Variants in AFG2B observed in about 807,000 individuals in gnomAD.
The protein encoded by AFG2B is AAA ATPase AFG2B.
chr15:45,411,234 C>T, the AFG2B span, among the ~76,000 whole-genome samples: 2 of 152,098 alleles, frequency 1.3e-5, no homozygotes. Context: ...AGTCTTAGCA[C>T]TTTAGAAGGC....
the AFG2B span, chr15:45,407,053 C>A: frequency 1.6e-6 from 2 of 1,289,218 alleles, no homozygotes. Flanking sequence ...ATAAGCACCT[C>A]TCACTTAGGT....
chr15:45,402,983 G>A, the AFG2B span: 2 of 1,593,032 alleles, frequency 1.3e-6, no homozygotes, highest in Non-Finnish European at 1.7e-6. Context: ...ACCCGCGTCA[G>A]CCTTGGCGGG....
chr15:45,413,372 C>T, the AFG2B span, among the ~76,000 whole-genome samples: 2 of 152,248 alleles, frequency 1.3e-5, no homozygotes, highest in African/African-American at 4.8e-5. Context: ...TGGATAACCC[C>T]AGGGATGTCA....
chr15:45,415,438 C>T, the AFG2B span: 4 of 626,600 alleles, frequency 6.4e-6, no homozygotes, highest in Non-Finnish European at 1.1e-5. Flanking sequence ...GCAGAAGTTG[C>T]AGTGAGCTGA....
chr15:45,402,624 G>T, the AFG2B span: 4 of 1,576,068 alleles, frequency 2.5e-6, no homozygotes, highest in Non-Finnish European at 3.4e-6. Context: ...GGCCTCGGCG[G>T]GACGGAGCGG....
the AFG2B span, among the ~76,000 whole-genome samples, chr15:45,419,986 T>TTTCCCC: frequency 2.0e-5 from 1 of 49,246 alleles, no homozygotes; most frequent in Non-Finnish European, 3.6e-5. Context: ...CAAGACTCTG[T>TTTCCCC]CCCCCCCCCC....
At chr15:45,403,297 C>T in the AFG2B span, 1 of 1,590,584 alleles carries the variant, frequency 6.3e-7, no homozygotes, top group South Asian at 1.1e-5. Context: ...CCAGCGCGCC[C>T]GGGAACTGGC....
At chr15:45,414,433 C>T in the AFG2B span, 5 of 714,752 alleles carry the variant, frequency 7.0e-6, no homozygotes, top group African/African-American at 1.8e-5. Flanking sequence ...ATGATAAGAT[C>T]TCTGCAGTGT....
the AFG2B span, among the ~76,000 whole-genome samples, chr15:45,404,061 C>T: frequency 6.6e-6 from 1 of 152,152 alleles, no homozygotes; most frequent in Non-Finnish European, 1.5e-5. Flanking sequence ...CACAACTGCT[C>T]CCTGAGTTGT....
chr15:45,414,684 G>A, the AFG2B span: 1 of 1,614,048 alleles, frequency 6.2e-7, no homozygotes, highest in Non-Finnish European at 8.5e-7. Flanking sequence ...CTCTGGTGAG[G>A]GCCCTGGCCA....
At chr15:45,413,991 A>G in the AFG2B span, among the ~76,000 whole-genome samples, 1 of 152,174 alleles carries the variant, frequency 6.6e-6, no homozygotes, top group Non-Finnish European at 1.5e-5. Flanking sequence ...GTGTCATTCT[A>G]GCTGCTGGGG....
At chr15:45,405,740 C>A in the AFG2B span, among the ~76,000 whole-genome samples, 43 of 152,272 alleles carry the variant, frequency 2.8e-4, no homozygotes, top group Admixed American at 2.8e-3. Flanking sequence ...CTTATAGTAA[C>A]TCCCTAGTGC....
At chr15:45,418,999 G>A in the AFG2B span, among the ~76,000 whole-genome samples, 1 of 152,162 alleles carries the variant, frequency 6.6e-6, no homozygotes, top group Non-Finnish European at 1.5e-5. Context: ...GAAAGGAGAT[G>A]TATAAACTGA....
chr15:45,406,606 ATTTTG>A, the AFG2B span, among the ~76,000 whole-genome samples: 1 of 152,222 alleles, frequency 6.6e-6, no homozygotes, highest in Admixed American at 6.5e-5. Flanking sequence ...AAAATCCAGT[ATTTTG>A]TATATAATAA....
the AFG2B span, among the ~76,000 whole-genome samples, chr15:45,414,244 C>G: frequency 1.1e-4 from 17 of 152,168 alleles, no homozygotes; most frequent in African/African-American, 4.1e-4. Flanking sequence ...AACGTTCAGG[C>G]AGAGAGAAAA....
chr15:45,415,663 C>G, the AFG2B span: 3 of 1,614,122 alleles, frequency 1.9e-6, no homozygotes, highest in Non-Finnish European at 2.5e-6. Flanking sequence ...GGAGCTCGCT[C>G]AGCCAGCAAG....
chr15:45,405,194 C>A, the AFG2B span: 19 of 915,612 alleles, frequency 2.1e-5, no homozygotes, highest in Non-Finnish European at 2.9e-5. Context: ...CCCTCACCCC[C>A]AACCCTTCCC....
the AFG2B span, among the ~76,000 whole-genome samples, chr15:45,404,807 CAA>C: frequency 0.17 from 15,878 of 93,736 alleles, 2,991 homozygotes; most frequent in African/African-American, 0.48. Context: ...AACTGTGTCT[CAA>C]AAAAAAAAAA....
the AFG2B span, chr15:45,414,685 G>C: frequency 6.2e-7 from 1 of 1,614,158 alleles, no homozygotes; most frequent in Non-Finnish European, 8.5e-7. Flanking sequence ...TCTGGTGAGG[G>C]CCCTGGCCAC....
Sources: allele counts gnomAD v4.1 joint callset (sites outside exome capture counted in the v4.1 genomes callset), GRCh38; gene constraint gnomAD v4.1.1; transcripts MANE v1.5; gene names NCBI Gene and HGNC (gene_info 2026-07-23, HGNC 2026-07-21).